The following TYW3 variants were observed in gnomAD, a reference collection of about 807,000 sequenced individuals.
TYW3 encodes tRNA-yW synthesizing protein 3 homolog, also known as tRNA wybutosine-synthesizing protein 3 homolog.
In TYW3, 26 loss-of-function variants were observed where a neutral mutation model predicts 23.1. The observed-to-expected ratio is 1.13, with a 90% confidence interval of 0.83 to 1.56. The LOEUF (loss-of-function observed/expected upper bound fraction) is 1.56, where lower values mean the gene tolerates loss of function less well. Ranked by LOEUF, TYW3 falls within the 40% of genes most tolerant of loss-of-function variation. The pLI is 0.00. For missense variants in TYW3, 316 were observed against 311.9 expected (o/e 1.01, Z -0.10); for synonymous variants, 102 against 105.7 (o/e 0.97, Z 0.21).
Position 74,748,965 on chromosome 1 carries a change from C to T in TYW3, c.426+143C>T, listed in dbSNP as rs1473288937. The T allele has an allele frequency of 4.1e-6, 3 of 736,148 alleles. No homozygotes were observed. In the African/African-American group the frequency reaches 5.4e-5, roughly 13 times the overall value. The allele number at this position is 736,148 out of a possible 1,614,324, so 45.6% of individuals were successfully genotyped here. ...CTCATAAACCCTCAGTGACTTACTC[C>T]TTCCTACAGGGCAAAGTCCAGAGTT... is the stretch of plus-strand genomic sequence containing the variant. On this transcript the variant is annotated intron_variant, in intron 4 of 5. Coordinates refer to ENST00000370867, the MANE Select transcript of TYW3 (RefSeq NM_138467.3).
At chr1:74,762,997 T>C (rs1466975480) in intron 5 of TYW3, among the ~76,000 whole-genome samples, 2 of 152,148 alleles carry the variant, frequency 1.3e-5, no homozygotes, top group African/African-American at 4.8e-5. Flanking sequence ...AAAATTCAAA[T>C]AGCTAATAAA....
chr1:74,747,585 C>A (rs557656108), intron 3 of TYW3, among the ~76,000 whole-genome samples: 2 of 146,280 alleles, frequency 1.4e-5, no homozygotes, highest in Non-Finnish European at 3.0e-5. Flanking sequence ...TGCTGTGAGC[C>A]GAGATCCCGC....
chr1:74,756,000 G>A (rs1648939491), intron 5 of TYW3, among the ~76,000 whole-genome samples: 2 of 152,244 alleles, frequency 1.3e-5, no homozygotes, highest in African/African-American at 4.8e-5. Flanking sequence ...TTTTAAAAAC[G>A]GGAGTCGCCC....
At chr1:74,747,121 G>T (rs1456906582) in intron 3 of TYW3, among the ~76,000 whole-genome samples, 1 of 152,226 alleles carries the variant, frequency 6.6e-6, no homozygotes, top group Non-Finnish European at 1.5e-5. Context: ...AAGAGTGAAA[G>T]AAGAGACTAA....
intron 3 of TYW3, among the ~76,000 whole-genome samples, chr1:74,748,388 T>C (rs1428672675): frequency 3.9e-5 from 6 of 152,240 alleles, no homozygotes; most frequent in Non-Finnish European, 7.3e-5. Flanking sequence ...TTGAGAAACA[T>C]TGTACTCATT....
At chr1:74,747,251 T>C (rs920787528) in intron 3 of TYW3, among the ~76,000 whole-genome samples, 78 of 152,016 alleles carry the variant, frequency 5.1e-4, no homozygotes, top group African/African-American at 1.7e-3. Flanking sequence ...TCAATGGGAA[T>C]TGGGTATAGG....
At chr1:74,754,215 G>A (rs1398420522) in intron 5 of TYW3, among the ~76,000 whole-genome samples, 4 of 152,046 alleles carry the variant, frequency 2.6e-5, no homozygotes, top group Non-Finnish European at 4.4e-5. Context: ...CTTATAAATA[G>A]AGCCCAAGAT....
intron 5 of TYW3, chr1:74,761,716 A>G (rs928804130): frequency 6.6e-6 from 1 of 152,104 alleles, no homozygotes; most frequent in African/African-American, 2.4e-5. Flanking sequence ...TGGTGACAAG[A>G]CCTAGAAAGA....
chr1:74,757,090 C>A (rs1322082715), intron 5 of TYW3, among the ~76,000 whole-genome samples: 1 of 152,238 alleles, frequency 6.6e-6, no homozygotes, highest in Non-Finnish European at 1.5e-5. Flanking sequence ...CCTGGATGCC[C>A]AGATGGAAGT....
At chr1:74,756,600 A>G (rs574717328) in intron 5 of TYW3, among the ~76,000 whole-genome samples, 1 of 152,210 alleles carries the variant, frequency 6.6e-6, no homozygotes, top group Non-Finnish European at 1.5e-5. Context: ...TGTTAAACAC[A>G]TTCAGTTTTA....
chr1:74,765,228 A>G lies in TYW3; in HGVS notation c.*1115A>G, dbSNP rs1470016125. 1 of 152,164 alleles carries G rather than the reference A, an allele frequency of 6.6e-6. No individual in the cohort carries two copies. Among genetic ancestry groups the G allele is most frequent in the Non-Finnish European group, 1.5e-5 (1 of 68,038 alleles). The allele number at this position is 152,164 out of a possible 1,614,324, so 9.4% of individuals were successfully genotyped here. Reference sequence around the variant, plus strand: ...TTGAGGAGGAATTGAAGATTTTTCTAATGAAAAGAAAAAGGGTCACATGAA... The same window carrying G: ...TTGAGGAGGAATTGAAGATTTTTCTGATGAAAAGAAAAAGGGTCACATGAA... On this transcript the variant is annotated 3_prime_UTR_variant, in exon 6 of 6. Coordinates refer to ENST00000370867, the MANE Select transcript of TYW3 (RefSeq NM_138467.3).
intron 4 of TYW3, among the ~76,000 whole-genome samples, chr1:74,750,847 G>A (rs1051688237): frequency 1.2e-5 from 1 of 85,222 alleles, no homozygotes; most frequent in Non-Finnish European, 2.2e-5. Flanking sequence ...CACTCTTATT[G>A]CCCAGACTGT....
intron 3 of TYW3, among the ~76,000 whole-genome samples, chr1:74,747,880 C>T (rs1307701614): frequency 3.3e-5 from 4 of 120,752 alleles, no homozygotes; most frequent in Non-Finnish European, 6.4e-5. Flanking sequence ...CACATACACA[C>T]ACATATACAC....
At chr1:74,752,172 C>T in intron 4 of TYW3, 120 bp from the exon 5 acceptor site, 1 of 1,019,310 alleles carries the variant, frequency 9.8e-7, no homozygotes, top group Non-Finnish European at 1.4e-6. Context: ...AAAGCGCTAA[C>T]TTAACTGTTG....
intron 5 of TYW3, among the ~76,000 whole-genome samples, chr1:74,755,442 C>G (rs1366168636): frequency 6.6e-6 from 1 of 152,204 alleles, no homozygotes; most frequent in African/African-American, 2.4e-5. Context: ...TATGCATCCT[C>G]CAGTATCTGG....
chr1:74,764,537 A>C lies in TYW3; in HGVS notation c.*424A>C, dbSNP rs1047614720. ...TAATAGTGGATATTTTAATGCTGGA[A>C]ATTAGCATTATAGTTGATATGCCAG... On this transcript the variant is annotated 3_prime_UTR_variant, in exon 6 of 6. Transcript: ENST00000370867. The C allele has an allele frequency of 6.5e-6, 1 of 153,668 alleles. No homozygotes were observed. The highest frequency in any genetic ancestry group is 2.4e-5 in the African/African-American group (1 of 41,492). 9.5% of individuals were successfully genotyped at this position (153,668 alleles called of 1,614,324 possible).
At chr1:74,760,632 T>G (rs796779469) in intron 5 of TYW3, among the ~76,000 whole-genome samples, 9 of 152,336 alleles carry the variant, frequency 5.9e-5, no homozygotes, top group African/African-American at 2.2e-4. Flanking sequence ...GTAGCTCCTG[T>G]TAAACCATGA....
chr1:74,740,214 C>G (rs1183450502), intron 3 of TYW3, among the ~76,000 whole-genome samples: 2 of 152,200 alleles, frequency 1.3e-5, no homozygotes, highest in African/African-American at 4.8e-5. Flanking sequence ...TTGCTGACTT[C>G]AGGAGTGAAG....
At chr1:74,748,886 A>T in intron 4 of TYW3, 64 bp downstream of exon 4, 1 of 1,381,514 alleles carries the variant, frequency 7.2e-7, no homozygotes, top group South Asian at 1.2e-5. Flanking sequence ...GAATAACCTA[A>T]TTAGACTCCT....
Sources: gnomAD v4.1 joint callset for allele counts (sites outside exome capture counted in the v4.1 genomes callset) on GRCh38, gnomAD v4.1.1 for gene constraint, MANE v1.5 for transcripts, NCBI Gene and HGNC (gene_info 2026-07-23, HGNC 2026-07-21) for gene names.